The following PCDHA10 variants were observed in gnomAD, a reference collection of about 807,000 sequenced individuals.
PCDHA10 encodes the protein protocadherin alpha-10.
A neutral mutation model predicts 61.2 loss-of-function variants in PCDHA10; 45 were observed. The observed-to-expected ratio is 0.74, with a 90% CI of 0.58 to 0.94. The LOEUF (loss-of-function observed/expected upper bound fraction) is 0.94, where lower values mean the gene tolerates loss of function less well. Among genes scored for constraint, PCDHA10 ranks in the 40% least tolerant of loss-of-function variants. The probability of loss-of-function intolerance (pLI) is 0.00; values close to 1 mark genes in which losing one functional copy is unlikely to be tolerated. For synonymous variants in PCDHA10, 602 were observed against 548.8 expected (o/e 1.10, Z -1.35); for missense variants, 1,278 against 1,236.2 (o/e 1.03, Z -0.51).
At position 140,868,867 on chromosome 5, in the gene PCDHA10, G is replaced by A. The variant is rs532271305; in HGVS notation, c.2388+10431G>A. ...GAAATTCTGTGGTGGTAAATGCAGT[G>A]CACAGTACTCACAGTTTTAGGCGCA... On this transcript the variant is annotated intron_variant, in intron 1 of 3. Coordinates refer to ENST00000307360, the MANE Select transcript of PCDHA10 (RefSeq NM_018901.4). The A allele has an allele frequency of 2.8e-4, 173 of 611,220 alleles. 1 individual carries two copies. In the South Asian group the frequency reaches 3.9e-3, roughly 14 times the overall value. 37.9% of individuals were successfully genotyped at this position (611,220 alleles called of 1,614,324 possible).
intron 3 of PCDHA10, among the ~76,000 whole-genome samples, chr5:140,991,007 G>C (rs2153892777): frequency 6.6e-6 from 1 of 152,280 alleles, no homozygotes; most frequent in South Asian, 2.1e-4. Flanking sequence ...ATTGAGAACT[G>C]TGATAAGCAC....
chr5:140,909,992 T>A (rs2074821631), intron 1 of PCDHA10, among the ~76,000 whole-genome samples: 1 of 152,192 alleles, frequency 6.6e-6, no homozygotes, highest in Non-Finnish European at 1.5e-5. Context: ...ACTAACAGCA[T>A]AAATTGTTGT....
At chr5:140,913,966 A>C (rs2076538227) in intron 1 of PCDHA10, among the ~76,000 whole-genome samples, 1 of 152,156 alleles carries the variant, frequency 6.6e-6, no homozygotes, top group Non-Finnish European at 1.5e-5. Context: ...TTTTTAAAAA[A>C]ATATTTTAGG....
At position 140,929,044 on chromosome 5, in the gene PCDHA10, T is replaced by C. The variant is rs17844369; in HGVS notation, c.2389-49905T>C. ...GAGCCCAGGCTGTTGCGCTCAGAGC[T>C]GCTGTCGCTCTACAGAGGATCTGAG... On this transcript the variant is annotated intron_variant, in intron 1 of 3. Coordinates refer to ENST00000307360, the MANE Select transcript of PCDHA10 (RefSeq NM_018901.4). 7 of 1,614,100 alleles carry C rather than the reference T, an allele frequency of 4.3e-6. No individual in the cohort carries two copies. The East Asian group carries it at 1.6e-4, about 36-fold the overall frequency.
chr5:140,906,846 G>T (rs2072987315), intron 1 of PCDHA10, among the ~76,000 whole-genome samples: 1 of 152,186 alleles, frequency 6.6e-6, no homozygotes, highest in Non-Finnish European at 1.5e-5. Context: ...CATCTTGAGA[G>T]TCTGGGTCAG....
intron 1 of PCDHA10, among the ~76,000 whole-genome samples, chr5:140,890,240 A>C (rs1554184230): frequency 6.6e-6 from 1 of 152,138 alleles, no homozygotes; most frequent in African/African-American, 2.4e-5. Flanking sequence ...AGCATTTACC[A>C]GTACACTACT....
In PCDHA10 at chr5:140,929,054, C is replaced by T. The variant is rs782514800; in HGVS notation, c.2389-49895C>T. 27 of 1,614,056 alleles carry T rather than the reference C, an allele frequency of 1.7e-5. No individual in the cohort carries two copies. The highest frequency in any genetic ancestry group is 2.1e-5 in the Non-Finnish European group (25 of 1,180,042). ...TGTTGCGCTCAGAGCTGCTGTCGCT[C>T]TACAGAGGATCTGAGGTATGGAAGT... is the stretch of plus-strand genomic sequence containing the variant. On this transcript the variant is annotated intron_variant, in intron 1 of 3. Coordinates refer to ENST00000307360, the MANE Select transcript of PCDHA10 (RefSeq NM_018901.4).
At chr5:140,859,957 A>G (rs1554152871) in intron 1 of PCDHA10, 1 of 151,974 alleles carries the variant, frequency 6.6e-6, no homozygotes, top group African/African-American at 2.4e-5. Context: ...ATCAATTGTA[A>G]AAGTCTCAGG....
chr5:140,998,639 A>G (rs1165002908), intron 3 of PCDHA10, among the ~76,000 whole-genome samples: 2 of 151,766 alleles, frequency 1.3e-5, no homozygotes, highest in African/African-American at 2.4e-5. Flanking sequence ...ATCTCAGCTC[A>G]CTGCAACCTC....
At chr5:140,916,647 C>T (rs2077666767) in intron 1 of PCDHA10, among the ~76,000 whole-genome samples, 1 of 152,180 alleles carries the variant, frequency 6.6e-6, no homozygotes, top group African/African-American at 2.4e-5. Context: ...TGTGGCTGAG[C>T]TGGTATCCAA....
chr5:140,995,102 C>A (rs976806158), intron 3 of PCDHA10, among the ~76,000 whole-genome samples: 3 of 152,312 alleles, frequency 2.0e-5, no homozygotes, highest in Middle Eastern at 6.8e-3. Context: ...GAGATACATT[C>A]CAAGACCCTC....
chr5:140,975,903 C>A (rs1189531342), intron 1 of PCDHA10, among the ~76,000 whole-genome samples: 1 of 152,090 alleles, frequency 6.6e-6, no homozygotes, highest in Admixed American at 6.6e-5. Context: ...AGTTTTGTGA[C>A]CATTATTCTA....
intron 1 of PCDHA10, among the ~76,000 whole-genome samples, chr5:140,963,667 T>A (rs1206076549): frequency 6.6e-6 from 1 of 152,238 alleles, no homozygotes; most frequent in Non-Finnish European, 1.5e-5. Flanking sequence ...CTATATGGCA[T>A]AGTTAAATGT....
At chr5:141,000,395 CTATATATA>C (rs1190667031) in intron 3 of PCDHA10, among the ~76,000 whole-genome samples, 7 of 53,980 alleles carry the variant, frequency 1.3e-4, no homozygotes, top group South Asian at 8.9e-4. Flanking sequence ...CTCTCTCTCT[CTATATATA>C]TATATATATA....
intron 1 of PCDHA10, among the ~76,000 whole-genome samples, chr5:140,960,594 G>A (rs1341832093): frequency 6.6e-6 from 1 of 152,042 alleles, no homozygotes; most frequent in African/African-American, 2.4e-5. Flanking sequence ...CAAATTCAAG[G>A]TACTTCAACA....
intron 1 of PCDHA10, among the ~76,000 whole-genome samples, chr5:140,922,827 A>G (rs2081011863): frequency 1.3e-5 from 2 of 152,244 alleles, no homozygotes; most frequent in South Asian, 4.1e-4. Context: ...GCATACTGCT[A>G]ATAGATGTCC....
intron 1 of PCDHA10, chr5:140,883,520 G>T (rs1554178526): frequency 6.2e-7 from 1 of 1,614,104 alleles, no homozygotes; most frequent in African/African-American, 1.3e-5. Context: ...CCGCGAGAGC[G>T]TATCAGCCTA....
chr5:140,990,998 T>C (rs994699186), intron 3 of PCDHA10, among the ~76,000 whole-genome samples: 1 of 152,216 alleles, frequency 6.6e-6, no homozygotes, highest in Non-Finnish European at 1.5e-5. Flanking sequence ...CTACCATTTA[T>C]TGAGAACTGT....
At position 140,883,630 on chromosome 5, in the gene PCDHA10, G is replaced by A. The variant is rs1424400219; in HGVS notation, c.2388+25194G>A. Reference sequence around the variant, plus strand: ...CCGACGTGAACGACAACGCGCCGGCGTTCGCGCAGCCCGAGTACACGGTGT... The same window carrying A: ...CCGACGTGAACGACAACGCGCCGGCATTCGCGCAGCCCGAGTACACGGTGT... On this transcript the variant is annotated intron_variant, in intron 1 of 3. Coordinates refer to ENST00000307360, the MANE Select transcript of PCDHA10 (RefSeq NM_018901.4). 3 of 1,613,848 alleles carry A rather than the reference G, an allele frequency of 1.9e-6. No individual in the cohort carries two copies. In the African/African-American group the frequency reaches 4.0e-5, roughly 22 times the overall value.
Sources: allele counts gnomAD v4.1 joint callset (sites outside exome capture counted in the v4.1 genomes callset), GRCh38; gene constraint gnomAD v4.1.1; transcripts MANE v1.5; gene names NCBI Gene and HGNC (gene_info 2026-07-23, HGNC 2026-07-21).